The following ARHGAP21 variants were observed in gnomAD, a reference collection of about 807,000 sequenced individuals.
ARHGAP21 encodes rho GTPase-activating protein 21.
ARHGAP21 carries 38 observed loss-of-function variants against 164.6 expected under a neutral mutation model. The ratio of observed to expected loss-of-function variants is 0.23; its 90% CI spans 0.18 to 0.30. The LOEUF (loss-of-function observed/expected upper bound fraction) is 0.30, where lower values mean the gene tolerates loss of function less well. Among genes scored for constraint, ARHGAP21 ranks in the 10% least tolerant of loss-of-function variants. The pLI is 1.00. For synonymous variants in ARHGAP21, 766 were observed against 857.9 expected, an observed-to-expected ratio of 0.89 and a Z score of 1.87; for missense variants, 1,822 against 2,370.7, an observed-to-expected ratio of 0.77 and a Z score of 4.81.
intron 4 of ARHGAP21, among the ~76,000 whole-genome samples, chr10:24,641,187 G>A (rs1274414238): frequency 6.6e-6 from 1 of 152,124 alleles, no homozygotes; most frequent in African/African-American, 2.4e-5. Context: ...GAGACACAAT[G>A]TCCAACATTA....
intron 2 of ARHGAP21, among the ~76,000 whole-genome samples, chr10:24,692,000 G>A (rs942774629): frequency 6.6e-6 from 1 of 152,158 alleles, no homozygotes; most frequent in African/African-American, 2.4e-5. Context: ...CTAGAAATAA[G>A]AAACATGAAT....
At position 24,620,631 on chromosome 10, in the gene ARHGAP21, T is replaced by C; in HGVS notation, c.1264A>G (p.Thr422Ala). The change falls in exon 9 of 26, where the codon ACG becomes GCG. Residue 422 changes from threonine to alanine, a missense_variant. By Grantham distance (58) the Thr-to-Ala change is moderately conservative. Transcript: ENST00000396432. ...LDSLRAASQS[T>A]TDYNQVVPNR... is the part of the protein sequence containing the mutation. ...GGGACGACCTGGTTATAATCTGTCGTGCTTTGAGATGCTGCTCTTAAACTA... is the reference window on the plus strand; with the variant it reads ...GGGACGACCTGGTTATAATCTGTCGCGCTTTGAGATGCTGCTCTTAAACTA... 6.2e-7 allele frequency: 1 copy of C among 1,614,266 alleles called. No homozygotes were observed. The highest frequency in any genetic ancestry group is 8.5e-7 in the Non-Finnish European group (1 of 1,180,054).
chr10:24,703,801 G>A (rs1023341591), intron 2 of ARHGAP21, among the ~76,000 whole-genome samples: 14 of 151,940 alleles, frequency 9.2e-5, no homozygotes, highest in African/African-American at 3.1e-4. Context: ...AAGGGTATCC[G>A]GCAGCATCCT....
intron 16 of ARHGAP21, 26 bp from the exon 17 acceptor site, chr10:24,596,908 CAACATAATA>C: frequency 6.3e-7 from 1 of 1,582,052 alleles, no homozygotes; most frequent in Non-Finnish European, 8.5e-7. Flanking sequence ...CAAAATAAAA[CAACATAATA>C]AAATGGAAAT....
intron 2 of ARHGAP21, among the ~76,000 whole-genome samples, chr10:24,693,004 T>C (rs1358929700): frequency 1.3e-5 from 2 of 150,936 alleles, no homozygotes; most frequent in African/African-American, 2.4e-5. Context: ...GCATACAGCG[T>C]GATAATATTC....
At chr10:24,684,911 T>C (rs1224999195) in intron 2 of ARHGAP21, among the ~76,000 whole-genome samples, 1 of 152,242 alleles carries the variant, frequency 6.6e-6, no homozygotes, top group African/African-American at 2.4e-5. Context: ...AGTGCTGGGA[T>C]TACAGGCGTG....
chr10:24,620,916 T>C lies in ARHGAP21; in HGVS notation c.979A>G (p.Thr327Ala), dbSNP rs371681863. The C allele has an allele frequency of 5.0e-6, 8 of 1,613,606 alleles. No homozygotes were observed. In the African/African-American group the frequency reaches 8.0e-5, roughly 16 times the overall value. Residue 327 changes from threonine (T) to alanine (A), a missense_variant, in exon 9 of 26, where the codon ACT becomes GCT. Around this residue, in one of 5 missense-constraint regions of ARHGAP21, gnomAD observed 1,090 missense variants for 1,378.9 expected, o/e 0.79. Coordinates refer to ENST00000396432, the MANE Select transcript of ARHGAP21 (RefSeq NM_020824.4). ...CCTGCAGGCTGATGAATTAGATGAG[T>C]GGTGGGAATTGATAATGGTGGTGAT... Reference protein sequence around the residue: ...TTSPPLSIPTTHLIHQPAGSR... With the variant: ...TTSPPLSIPTAHLIHQPAGSR...
At position 24,607,776 on chromosome 10, in the gene ARHGAP21, T is replaced by C; in HGVS notation, c.2550A>G (p.Pro850=). The change falls in exon 10 of 26, where the codon CCA becomes CCG. Residue 850 remains proline (P), a synonymous_variant. Transcript: ENST00000396432. The part of the protein sequence containing the change: ...TVPPCLTTSA[P]LIRRQLSHDH... ...CATGTGAGAGCTGACGGCGAATTAA[T>C]GGAGCTGAAGTTGTGAGGCAAGGAG... 6.2e-7 allele frequency: 1 copy of C among 1,614,098 alleles called. No individual in the cohort carries two copies. Among genetic ancestry groups the C allele is most frequent in the Non-Finnish European group, 8.5e-7 (1 of 1,180,008 alleles).
At chr10:24,590,915 T>C in intron 24 of ARHGAP21, 1 of 977,668 alleles carries the variant, frequency 1.0e-6, no homozygotes, top group Non-Finnish European at 1.2e-6. Context: ...TACCTTGTGA[T>C]GACTATTACA....
intron 2 of ARHGAP21, among the ~76,000 whole-genome samples, chr10:24,683,095 CAAAA>C (rs200968718): frequency 3.5e-4 from 31 of 88,998 alleles, no homozygotes; most frequent in Admixed American, 5.2e-4. Flanking sequence ...AACTCCATCT[CAAAA>C]AAAAAAAAAA....
rs377385995 is a variant in ARHGAP21 at position 24,670,299 on chromosome 10, T to G, written c.162A>C (p.Lys54Asn). Reference protein sequence around the residue: ...SWPGPKTVTLKRTSQGFGFTL... With the variant: ...SWPGPKTVTLNRTSQGFGFTL... ...TAAAACCAAAGCCTTGAGATGTTCTTTTCAACGTAACTGTTTTGGGACCTG... is the reference window on the plus strand; with the variant it reads ...TAAAACCAAAGCCTTGAGATGTTCTGTTCAACGTAACTGTTTTGGGACCTG... The change falls in exon 3 of 26, where the codon AAA (lysine) becomes AAC (asparagine). Residue 54 changes from lysine to asparagine, a missense_variant. Lys to Asn is a moderately conservative substitution (Grantham distance 94). This residue lies in a region of ARHGAP21 where 1,090 missense variants were observed against 1,378.9 expected (regional missense o/e 0.79). Transcript: ENST00000396432. The G allele has an allele frequency of 3.7e-5, 59 of 1,610,756 alleles. No individual in the cohort carries two copies. The highest frequency in any genetic ancestry group is 4.8e-5 in the Non-Finnish European group (57 of 1,178,302).
intron 14 of ARHGAP21, among the ~76,000 whole-genome samples, chr10:24,598,277 TATTGA>T (rs1343442715): frequency 6.6e-6 from 1 of 152,246 alleles, no homozygotes; most frequent in African/African-American, 2.4e-5. Flanking sequence ...GTTCAATACT[TATTGA>T]ATTGATCCGT....
intron 22 of ARHGAP21, 35 bp from the exon 23 acceptor site, chr10:24,591,718 C>T (rs1349803039): frequency 6.2e-7 from 1 of 1,611,568 alleles, no homozygotes; most frequent in Non-Finnish European, 8.5e-7. Flanking sequence ...AGAAATTAAA[C>T]AAGCCTTTAA....
chr10:24,719,024 C>G (rs922881260), intron 2 of ARHGAP21, among the ~76,000 whole-genome samples: 1 of 151,080 alleles, frequency 6.6e-6, no homozygotes, highest in Non-Finnish European at 1.5e-5. Context: ...ATAGAGGATT[C>G]AACAGAAGAA....
At chr10:24,653,712 T>C (rs1359689646) in intron 4 of ARHGAP21, among the ~76,000 whole-genome samples, 1 of 152,156 alleles carries the variant, frequency 6.6e-6, no homozygotes, top group Non-Finnish European at 1.5e-5. Flanking sequence ...CAAACCACCA[T>C]GCCAACTCAC....
chr10:24,596,697 G>GAATT (rs1184715219), intron 17 of ARHGAP21, 43 bp downstream of exon 17: 2 of 1,612,194 alleles, frequency 1.2e-6, no homozygotes, highest in Admixed American at 1.7e-5. Flanking sequence ...AATCAAAACT[G>GAATT]AATTAATGAC....
rs1422098568 is a variant in ARHGAP21, at chr10:24,600,090, G to A, written c.3132+556C>T. ...AGGGCTTGCAGTGAGCCAAGATCGCGCCACTGCACTCCAGCCTGGGCAACA... is the reference window on the plus strand; with the variant it reads ...AGGGCTTGCAGTGAGCCAAGATCGCACCACTGCACTCCAGCCTGGGCAACA... On this transcript the variant is annotated intron_variant, in intron 14 of 25. Coordinates refer to ENST00000396432, the MANE Select transcript of ARHGAP21 (RefSeq NM_020824.4). Among the ~76,000 whole-genome samples, 9 of 131,100 alleles carry A rather than the reference G, an allele frequency of 6.9e-5. No homozygotes were observed. In the South Asian group the frequency reaches 7.2e-4, roughly 10 times the overall value. 86.0% of individuals were successfully genotyped at this position (131,100 alleles called of 152,430 possible). A position where few individuals can be genotyped will look rare whatever the true frequency, so the allele number is the denominator to read the frequency against.
At chr10:24,665,978 A>G (rs1236754744) in intron 4 of ARHGAP21, among the ~76,000 whole-genome samples, 1 of 152,242 alleles carries the variant, frequency 6.6e-6, no homozygotes, top group Non-Finnish European at 1.5e-5. Flanking sequence ...GTATTGTACC[A>G]ATGCTAATTG....
rs2076230820 is a variant in ARHGAP21 at position 24,589,181 on chromosome 10, T to G, written c.4182+90A>C. The G allele has an allele frequency of 3.7e-6, 4 of 1,082,960 alleles. No individual in the cohort carries two copies. In the East Asian group the frequency reaches 7.2e-5, roughly 20 times the overall value. 67.1% of individuals were successfully genotyped at this position (1,082,960 alleles called of 1,614,324 possible). On this transcript the variant is annotated intron_variant, in intron 25 of 25. Coordinates refer to ENST00000396432, the MANE Select transcript of ARHGAP21 (RefSeq NM_020824.4). ...CTTTGTTGCTCTGTCTCATTAGACA[T>G]AGAGAGGAATGCATTTGTGTATCAA... is the stretch of plus-strand genomic sequence containing the variant.
Sources: allele counts gnomAD v4.1 joint callset (sites outside exome capture counted in the v4.1 genomes callset), GRCh38; gene constraint gnomAD v4.1.1; regional missense constraint gnomAD v4.1.1; transcripts MANE v1.5; gene names NCBI Gene and HGNC (gene_info 2026-07-23, HGNC 2026-07-21).